Variants in SOBP observed in about 807,000 individuals in gnomAD.
The protein encoded by SOBP is sine oculis-binding protein homolog.
SOBP carries 4 observed loss-of-function variants against 53.6 expected under a neutral mutation model. The observed-to-expected ratio is 0.07, with a 90% CI of 0.04 to 0.17. SOBP has a LOEUF of 0.17. Among genes scored for constraint, SOBP ranks in the 10% least tolerant of loss-of-function variants. The pLI, the probability that SOBP is intolerant of heterozygous loss-of-function variation, is 1.00. For missense variants in SOBP, 1,088 were observed against 1,204.7 expected, an observed-to-expected ratio of 0.90 and a Z score of 1.43; for synonymous variants, 584 against 522.6, an observed-to-expected ratio of 1.12 and a Z score of -1.60.
At chr6:107,512,118 T>C (rs538807370) in intron 3 of SOBP, among the ~76,000 whole-genome samples, 1 of 152,324 alleles carries the variant, frequency 6.6e-6, no homozygotes, top group African/African-American at 2.4e-5. Flanking sequence ...ACCAACACTT[T>C]CTTTTTGTGC....
rs771239870 is a variant in SOBP at position 107,635,409 on chromosome 6, G to T, written c.2565G>T (p.Glu855Asp). 1 of 1,613,392 alleles carries T rather than the reference G, an allele frequency of 6.2e-7. No homozygotes were observed. The highest frequency in any genetic ancestry group is 8.5e-7 in the Non-Finnish European group (1 of 1,180,020). Reference sequence around the variant, plus strand: ...CGCCCATGCTCAGCGCCGGGCCTGAGGACCTGGAGCCGCCGCTCAAAAGGA... The same window carrying T: ...CGCCCATGCTCAGCGCCGGGCCTGATGACCTGGAGCCGCCGCTCAAAAGGA... ...ISSPMLSAGP[E>D]DLEPPLKRRC... The change falls in exon 6 of 7, where the codon GAG becomes GAT. Residue 855 changes from glutamate to aspartate, a missense_variant. Physicochemically the swap from Glu to Asp is conservative, Grantham distance 45. This residue lies in a region of SOBP where 665 missense variants were observed against 629.7 expected (regional missense o/e 1.06). Coordinates refer to ENST00000317357, the MANE Select transcript of SOBP (RefSeq NM_018013.4). The surrounding 1 kb of genome is among the most constrained non-coding windows in gnomAD (Gnocchi z 4.5).
At chr6:107,554,748 G>GA (rs1784559173) in intron 4 of SOBP, among the ~76,000 whole-genome samples, 1 of 152,204 alleles carries the variant, frequency 6.6e-6, no homozygotes, top group East Asian at 1.9e-4. Flanking sequence ...TTCTGTTCTG[G>GA]AAAAAACGCA....
chr6:107,528,237 C>T (rs1783720726), intron 3 of SOBP, among the ~76,000 whole-genome samples: 1 of 152,156 alleles, frequency 6.6e-6, no homozygotes, highest in Non-Finnish European at 1.5e-5. Context: ...AAAGAAATGA[C>T]CTTCTAGTGG....
chr6:107,543,372 C>T (rs1433140744), intron 4 of SOBP, among the ~76,000 whole-genome samples: 2 of 152,146 alleles, frequency 1.3e-5, no homozygotes, highest in Non-Finnish European at 2.9e-5. Context: ...GAGTCTCTGG[C>T]CTAGCATTCC....
At chr6:107,572,980 AC>A (rs1328741021) in intron 4 of SOBP, among the ~76,000 whole-genome samples, 1 of 152,210 alleles carries the variant, frequency 6.6e-6, no homozygotes, top group Non-Finnish European at 1.5e-5. Context: ...TGGGCTGCTC[AC>A]GCGGGAGCCC....
At chr6:107,588,179 C>T (rs1366381604) in intron 5 of SOBP, among the ~76,000 whole-genome samples, 1 of 152,198 alleles carries the variant, frequency 6.6e-6, no homozygotes, top group African/African-American at 2.4e-5. Flanking sequence ...GGAAATCCCA[C>T]ATGTAACAGT....
intron 5 of SOBP, among the ~76,000 whole-genome samples, chr6:107,617,272 C>G (rs72945665): frequency 0.089 from 13,551 of 152,158 alleles, 850 homozygotes; most frequent in Admixed American, 0.18. Context: ...GGGCAGCGTG[C>G]CCCAGTGGTC....
At chr6:107,591,293 C>T (rs1324913187) in intron 5 of SOBP, among the ~76,000 whole-genome samples, 1 of 152,170 alleles carries the variant, frequency 6.6e-6, no homozygotes, top group Non-Finnish European at 1.5e-5. Context: ...AAGAGCCAGG[C>T]ACATAGTAAG....
rs71551313 is a variant in SOBP, at chr6:107,522,537, CTTTT to C, written c.422-10903_422-10900del. 1.2e-4 allele frequency among the ~76,000 whole-genome samples: 9 copies of C among 74,096 alleles called. 1 individual carries two copies. Among genetic ancestry groups the C allele is most frequent in the Non-Finnish European group, 1.7e-4 (7 of 40,570 alleles). 48.6% of individuals were successfully genotyped at this position (74,096 alleles called of 152,430 possible). ...TGAATGATTGGGTGTAGTATAAAAA[CTTTT>C]TTTTTTTTTTTTTTTTTTGTGGCAA... is the stretch of plus-strand genomic sequence containing the variant. On this transcript the variant is annotated intron_variant, in intron 3 of 6. Coordinates refer to ENST00000317357, the MANE Select transcript of SOBP (RefSeq NM_018013.4).
At chr6:107,651,377 C>T (rs1432539833) in intron 6 of SOBP, among the ~76,000 whole-genome samples, 6 of 152,110 alleles carry the variant, frequency 3.9e-5, no homozygotes, top group Admixed American at 2.0e-4. Context: ...AAGATCAAAC[C>T]GACCACAATA....
At chr6:107,648,533 T>TA (rs1771657981) in intron 6 of SOBP, among the ~76,000 whole-genome samples, 1 of 152,134 alleles carries the variant, frequency 6.6e-6, no homozygotes, top group African/African-American at 2.4e-5. Context: ...TGTGTGGTTT[T>TA]TTTTTTTTCT....
At chr6:107,584,292 T>G in intron 4 of SOBP, among the ~76,000 whole-genome samples, 1 of 151,170 alleles carries the variant, frequency 6.6e-6, no homozygotes. Context: ...GATTCTAATA[T>G]GCAGCTGGGG....
chr6:107,547,594 A>C (rs1421168377), intron 4 of SOBP, among the ~76,000 whole-genome samples: 1 of 152,234 alleles, frequency 6.6e-6, no homozygotes, highest in African/African-American at 2.4e-5. Flanking sequence ...TGTTGAGGAC[A>C]AAAGAACTAA....
At chr6:107,550,990 T>C (rs1263895145) in intron 4 of SOBP, among the ~76,000 whole-genome samples, 2 of 152,220 alleles carry the variant, frequency 1.3e-5, no homozygotes, top group African/African-American at 2.4e-5. Context: ...CAGACAGGGC[T>C]CAGGGCTCAT....
chr6:107,592,315 A>G lies in SOBP; in HGVS notation c.669+5140A>G, dbSNP rs146311441. On this transcript the variant is annotated intron_variant, in intron 5 of 6. Transcript: ENST00000317357. ...CCAGCCCAACTCACCAGTACATGTT[A>G]GCCTCTCACAGTAGTGAGGGGAAAT... Among the ~76,000 whole-genome samples, 38 of 152,280 alleles carry G rather than the reference A, an allele frequency of 2.5e-4. No individual in the cohort carries two copies. The East Asian group carries it at 6.0e-3, about 24-fold the overall frequency.
chr6:107,598,035 C>T (rs1786009329), intron 5 of SOBP, among the ~76,000 whole-genome samples: 1 of 151,910 alleles, frequency 6.6e-6, no homozygotes, highest in African/African-American at 2.4e-5. Context: ...GTCTTTCAAT[C>T]GACATGCATT....
chr6:107,575,634 C>G (rs1056038581), intron 4 of SOBP, among the ~76,000 whole-genome samples: 3 of 152,088 alleles, frequency 2.0e-5, no homozygotes, highest in Admixed American at 6.6e-5. Flanking sequence ...TCAGTTTACA[C>G]TAAGAAGGGA....
intron 3 of SOBP, among the ~76,000 whole-genome samples, chr6:107,509,405 A>G (rs1343910056): frequency 6.6e-6 from 1 of 151,746 alleles, no homozygotes; most frequent in Non-Finnish European, 1.5e-5. Context: ...CAAAAAAAAA[A>G]AAAAACAAAA....
intron 4 of SOBP, among the ~76,000 whole-genome samples, chr6:107,544,727 G>A (rs1285422882): frequency 2.0e-5 from 3 of 152,182 alleles, no homozygotes; most frequent in Non-Finnish European, 4.4e-5. Context: ...AAGGAATGGC[G>A]CTTTACCCAC....
Sources: allele counts gnomAD v4.1 joint callset (sites outside exome capture counted in the v4.1 genomes callset), GRCh38; gene constraint gnomAD v4.1.1; regional missense constraint gnomAD v4.1.1; non-coding constraint Gnocchi (gnomAD v3.1); transcripts MANE v1.5; gene names NCBI Gene and HGNC (gene_info 2026-07-23, HGNC 2026-07-21).